UBE2E2: variants seen among roughly 807,000 people sequenced by gnomAD.
UBE2E2 encodes the protein ubiquitin-conjugating enzyme E2 E2.
Under a neutral mutation model 24.7 loss-of-function variants are expected in UBE2E2, and 6 were observed. The observed-to-expected ratio is 0.24, with a 90% CI of 0.13 to 0.48. The LOEUF is 0.48. Ranked by LOEUF, UBE2E2 falls within the 20% of genes least tolerant of loss-of-function variation. The pLI, the probability that UBE2E2 is intolerant of heterozygous loss-of-function variation, is 0.99. For synonymous variants in UBE2E2, 104 were observed against 83.6 expected (o/e 1.24, Z -1.33); for missense variants, 169 against 245.0 (o/e 0.69, Z 2.07).
intron 3 of UBE2E2, among the ~76,000 whole-genome samples, chr3:23,488,175 A>G (rs1699417628): frequency 1.3e-5 from 2 of 151,628 alleles, no homozygotes; most frequent in Non-Finnish European, 2.9e-5. Context: ...TGTCTTGATA[A>G]TAACTCTTTA....
chr3:23,522,966 A>T (rs757638191), intron 4 of UBE2E2, among the ~76,000 whole-genome samples: 2 of 152,206 alleles, frequency 1.3e-5, no homozygotes, highest in Non-Finnish European at 2.9e-5. Flanking sequence ...TCTACCATTA[A>T]GGAGAATCTT....
At chr3:23,239,230 C>T (rs952059929) in intron 3 of UBE2E2, among the ~76,000 whole-genome samples, 1 of 152,098 alleles carries the variant, frequency 6.6e-6, no homozygotes, top group Non-Finnish European at 1.5e-5. Context: ...TAATAGGACT[C>T]TTGTCTCATG....
chr3:23,209,385 A>G (rs1188881565), intron 2 of UBE2E2, among the ~76,000 whole-genome samples: 1 of 152,136 alleles, frequency 6.6e-6, no homozygotes, highest in Non-Finnish European at 1.5e-5. Flanking sequence ...TTCTCTAGAG[A>G]ATAGATGGAT....
At chr3:23,544,777 A>G (rs922583014) in intron 5 of UBE2E2, among the ~76,000 whole-genome samples, 1 of 152,016 alleles carries the variant, frequency 6.6e-6, no homozygotes, top group South Asian at 2.1e-4. Context: ...AAGGGGACCC[A>G]GGGAACCAGC....
intron 5 of UBE2E2, chr3:23,534,374 C>A (rs1024903685): frequency 2.8e-6 from 1 of 352,358 alleles, no homozygotes; most frequent in Non-Finnish European, 4.0e-6. Context: ...ATGCATTCTG[C>A]AAAAACTTAA....
At chr3:23,420,630 A>G (rs1233536636) in intron 3 of UBE2E2, among the ~76,000 whole-genome samples, 1 of 152,246 alleles carries the variant, frequency 6.6e-6, no homozygotes, top group African/African-American at 2.4e-5. Flanking sequence ...TTCTAAGACA[A>G]GGCTTTGATT....
chr3:23,472,881 G>A (rs1270348978), intron 3 of UBE2E2, among the ~76,000 whole-genome samples: 4 of 151,854 alleles, frequency 2.6e-5, no homozygotes, highest in Non-Finnish European at 4.4e-5. Context: ...TCAAACTCCT[G>A]GGCTCAAGCG....
At chr3:23,291,391 A>C (rs1024811334) in intron 3 of UBE2E2, among the ~76,000 whole-genome samples, 13 of 152,220 alleles carry the variant, frequency 8.5e-5, no homozygotes, top group African/African-American at 3.1e-4. Context: ...TATATAAACA[A>C]AACAAGAAAT....
Position 23,328,886 on chromosome 3 carries a change from G to A in UBE2E2, c.227+111574G>A, listed in dbSNP as rs540242842. Among the ~76,000 whole-genome samples, 17 of 151,914 alleles carry A rather than the reference G, an allele frequency of 1.1e-4. No homozygotes were observed. In the South Asian group the frequency reaches 1.5e-3, roughly 13 times the overall value. ...CATGTTGGCCAAGCTGGTCTCGAACGCCTGACCTCAAATGATCCGCCCACC... is the reference window on the plus strand; with the variant it reads ...CATGTTGGCCAAGCTGGTCTCGAACACCTGACCTCAAATGATCCGCCCACC... On this transcript the variant is annotated intron_variant, in intron 3 of 5. Coordinates refer to ENST00000396703, the MANE Select transcript of UBE2E2 (RefSeq NM_152653.4).
At chr3:23,347,166 A>G (rs1393011820) in intron 3 of UBE2E2, among the ~76,000 whole-genome samples, 1 of 152,212 alleles carries the variant, frequency 6.6e-6, no homozygotes, top group Non-Finnish European at 1.5e-5. Context: ...AGGATCTAGA[A>G]CTAGAAATAC....
At chr3:23,441,945 G>A (rs978001876) in intron 3 of UBE2E2, among the ~76,000 whole-genome samples, 2 of 152,072 alleles carry the variant, frequency 1.3e-5, no homozygotes, top group African/African-American at 4.8e-5. Flanking sequence ...CTTTAAGAAT[G>A]TTATTACAAA....
intron 3 of UBE2E2, among the ~76,000 whole-genome samples, chr3:23,329,789 A>G (rs965800466): frequency 3.3e-5 from 5 of 152,206 alleles, no homozygotes; most frequent in African/African-American, 1.2e-4. Flanking sequence ...GAAACAAGGA[A>G]TTTCCCAGGA....
intron 3 of UBE2E2, among the ~76,000 whole-genome samples, chr3:23,348,227 A>C (rs1695619387): frequency 6.6e-6 from 1 of 152,108 alleles, no homozygotes; most frequent in East Asian, 1.9e-4. Flanking sequence ...AGAGAACCTT[A>C]TCTCTCTGCA....
chr3:23,427,695 A>G (rs565916108), intron 3 of UBE2E2, among the ~76,000 whole-genome samples: 2 of 152,338 alleles, frequency 1.3e-5, no homozygotes, highest in African/African-American at 4.8e-5. Flanking sequence ...ATTAAAACAC[A>G]TGTAGAGTAA....
intron 5 of UBE2E2, among the ~76,000 whole-genome samples, chr3:23,573,733 C>T (rs557099554): frequency 6.6e-6 from 1 of 152,316 alleles, no homozygotes; most frequent in South Asian, 2.1e-4. Context: ...GGTTCCTCCA[C>T]ACTTGCAATA....
chr3:23,221,105 G>A (rs530982090), intron 3 of UBE2E2, among the ~76,000 whole-genome samples: 1 of 152,180 alleles, frequency 6.6e-6, no homozygotes, highest in African/African-American at 2.4e-5. Context: ...ATTACTTTTT[G>A]GAAGAAAAGA....
chr3:23,484,713 G>A (rs1699323931), intron 3 of UBE2E2, among the ~76,000 whole-genome samples: 1 of 152,184 alleles, frequency 6.6e-6, no homozygotes, highest in Admixed American at 6.5e-5. Flanking sequence ...GGCTGGGAAG[G>A]CCTCACAATC....
At chr3:23,521,230 G>A (rs1694856695) in intron 4 of UBE2E2, among the ~76,000 whole-genome samples, 1 of 152,152 alleles carries the variant, frequency 6.6e-6, no homozygotes, top group Admixed American at 6.5e-5. Flanking sequence ...CTTGGGGAGT[G>A]TGAGACCTAT....
intron 3 of UBE2E2, among the ~76,000 whole-genome samples, chr3:23,444,504 G>A (rs1280444638): frequency 6.6e-6 from 1 of 152,116 alleles, no homozygotes; most frequent in South Asian, 2.1e-4. Context: ...ATGAAAGTAG[G>A]ATGGGTAGAA....
Sources: gnomAD v4.1 joint callset for allele counts (sites outside exome capture counted in the v4.1 genomes callset) on GRCh38, gnomAD v4.1.1 for gene constraint, MANE v1.5 for transcripts, NCBI Gene and HGNC (gene_info 2026-07-23, HGNC 2026-07-21) for gene names.